The following PLXNA2 variants were observed in gnomAD, a reference collection of about 807,000 sequenced individuals.
PLXNA2 encodes the protein plexin-A2.
Under a neutral mutation model 193.5 loss-of-function variants are expected in PLXNA2, and 91 were observed. The observed-to-expected ratio is 0.47, with a 90% CI of 0.40 to 0.56. PLXNA2 has a LOEUF of 0.56. Among genes scored for constraint, PLXNA2 ranks in the 20% least tolerant of loss-of-function variants. The probability of loss-of-function intolerance (pLI) is 0.00; values close to 1 mark genes in which losing one functional copy is unlikely to be tolerated. For synonymous variants in PLXNA2, 997 were observed against 1,027.3 expected (o/e 0.97, Z 0.56); for missense variants, 1,995 against 2,503.2 (o/e 0.80, Z 4.33).
chr1:208,208,794 T>C (rs542929771), intron 3 of PLXNA2, among the ~76,000 whole-genome samples: 8 of 152,154 alleles, frequency 5.3e-5, no homozygotes, highest in African/African-American at 1.4e-4. Context: ...ACAGGGTACA[T>C]GATGTGACAG....
chr1:208,223,304 G>A (rs1176094327), intron 1 of PLXNA2, among the ~76,000 whole-genome samples: 4 of 151,652 alleles, frequency 2.6e-5, no homozygotes, highest in African/African-American at 9.7e-5. Context: ...GCGACTCAAA[G>A]TGAGTCAGAA....
intron 26 of PLXNA2, among the ~76,000 whole-genome samples, chr1:208,035,124 C>T (rs1664631478): frequency 6.6e-6 from 1 of 151,982 alleles, no homozygotes; most frequent in Non-Finnish European, 1.5e-5. Flanking sequence ...GGGCCAGACC[C>T]ATTCTCCCAT....
rs1403207154 is a variant in PLXNA2, at chr1:208,044,806, C to A, written c.3640-64G>T. ...CAGGTGTAGAGCCCGGGCATGCCAG[C>A]AGATCCTTACAGTGCGAGGAAGGAC... On this transcript the variant is annotated intron_variant, in intron 19 of 31. Coordinates refer to ENST00000367033, the MANE Select transcript of PLXNA2 (RefSeq NM_025179.4). The surrounding 1 kb of genome is among the most constrained non-coding windows in gnomAD (Gnocchi z 4.9). The A allele has an allele frequency of 4.6e-5, 59 of 1,278,294 alleles. No individual in the cohort carries two copies. Among genetic ancestry groups the A allele is most frequent in the Admixed American group, 1.5e-4 (8 of 52,472 alleles). 79.2% of individuals were successfully genotyped at this position (1,278,294 alleles called of 1,614,324 possible). A position where few individuals can be genotyped will look rare whatever the true frequency, so the allele number is the denominator to read the frequency against.
intron 9 of PLXNA2, among the ~76,000 whole-genome samples, chr1:208,087,103 G>C (rs972372543): frequency 5.9e-5 from 9 of 151,862 alleles, no homozygotes; most frequent in Non-Finnish European, 1.3e-4. Context: ...ACGAGCAGTT[G>C]TTTTTCATCT....
chr1:208,107,991 A>T (rs1667327791), intron 4 of PLXNA2, among the ~76,000 whole-genome samples: 1 of 152,054 alleles, frequency 6.6e-6, no homozygotes. Context: ...CATTTACTTA[A>T]GAAATACTCT....
intron 3 of PLXNA2, among the ~76,000 whole-genome samples, chr1:208,153,081 T>C (rs1377066046): frequency 6.6e-6 from 1 of 152,188 alleles, no homozygotes; most frequent in Non-Finnish European, 1.5e-5. Flanking sequence ...CACTTGGTAC[T>C]GCCCTGCACA....
intron 3 of PLXNA2, among the ~76,000 whole-genome samples, chr1:208,155,991 G>A (rs1227390483): frequency 6.6e-6 from 1 of 152,206 alleles, no homozygotes; most frequent in Non-Finnish European, 1.5e-5. Flanking sequence ...AGGAGTACCT[G>A]AGGCTTAAGG....
intron 3 of PLXNA2, among the ~76,000 whole-genome samples, chr1:208,152,731 T>G (rs1668808595): frequency 1.3e-5 from 2 of 148,862 alleles, no homozygotes; most frequent in South Asian, 4.4e-4. Flanking sequence ...CCTTCAATTG[T>G]CCCCTTTAAT....
At chr1:208,117,930 A>C (rs1191893719) in intron 4 of PLXNA2, among the ~76,000 whole-genome samples, 1 of 152,156 alleles carries the variant, frequency 6.6e-6, no homozygotes, top group Non-Finnish European at 1.5e-5. Context: ...TGTGTTTGAG[A>C]CTGGAGTGAC....
chr1:208,180,236 A>G (rs1669798219), intron 3 of PLXNA2, among the ~76,000 whole-genome samples: 1 of 150,740 alleles, frequency 6.6e-6, no homozygotes, highest in Admixed American at 6.6e-5. Flanking sequence ...GTGGAGTGGT[A>G]GGAGAGTAAA....
intron 13 of PLXNA2, among the ~76,000 whole-genome samples, chr1:208,055,417 A>C (rs1665399157): frequency 6.6e-6 from 1 of 151,550 alleles, no homozygotes; most frequent in South Asian, 2.1e-4. Context: ...GAGGATGGGG[A>C]GAGATGAAGG....
chr1:208,186,726 T>TTTTTTTTTTTTTG (rs1670016155), intron 3 of PLXNA2, among the ~76,000 whole-genome samples: 1 of 145,502 alleles, frequency 6.9e-6, no homozygotes, highest in Non-Finnish European at 1.5e-5. Flanking sequence ...TTTTTTTTTT[T>TTTTTTTTTTTTTG]TTTTGAGACG....
chr1:208,195,903 C>T (rs1670342439), intron 3 of PLXNA2, among the ~76,000 whole-genome samples: 1 of 151,590 alleles, frequency 6.6e-6, no homozygotes, highest in Non-Finnish European at 1.5e-5. Context: ...TTACATTACC[C>T]AACATTTTAC....
intron 29 of PLXNA2, chr1:208,031,018 G>A (rs866470184): frequency 3.7e-5 from 37 of 987,644 alleles, no homozygotes; most frequent in Admixed American, 1.8e-4. Flanking sequence ...AAGCTATGGC[G>A]CCAGGATAAT....
intron 4 of PLXNA2, among the ~76,000 whole-genome samples, chr1:208,123,604 T>C (rs1369211362): frequency 6.6e-6 from 1 of 152,222 alleles, no homozygotes; most frequent in Admixed American, 6.5e-5. Flanking sequence ...CTCCTGGTAG[T>C]CTGTCCATAT....
At chr1:208,218,104 T>A in intron 1 of PLXNA2, 102 bp from the exon 2 acceptor site, 2 of 922,146 alleles carry the variant, frequency 2.2e-6, no homozygotes, top group South Asian at 3.3e-5. Flanking sequence ...GCTCTGTGAG[T>A]CTCCTCCTTC....
chr1:208,106,064 T>G (rs1234600549), intron 4 of PLXNA2, among the ~76,000 whole-genome samples: 1 of 61,842 alleles, frequency 1.6e-5, no homozygotes, highest in Admixed American at 2.4e-4. Flanking sequence ...TGGGCCCTCC[T>G]GGTGATTTTT....
At chr1:208,092,697 T>C (rs1334899274) in intron 9 of PLXNA2, 89 bp downstream of exon 9, 16 of 833,536 alleles carry the variant, frequency 1.9e-5, no homozygotes, top group Non-Finnish European at 2.8e-5. Flanking sequence ...GGCAAGAAAA[T>C]GGCCAAGCCA....
At chr1:208,130,174 A>G (rs1230377403) in intron 4 of PLXNA2, among the ~76,000 whole-genome samples, 2 of 152,192 alleles carry the variant, frequency 1.3e-5, no homozygotes, top group African/African-American at 4.8e-5. Flanking sequence ...CTTAACCACA[A>G]GGCATGCACT....
Sources: allele counts gnomAD v4.1 joint callset (sites outside exome capture counted in the v4.1 genomes callset), GRCh38; gene constraint gnomAD v4.1.1; non-coding constraint Gnocchi (gnomAD v3.1); transcripts MANE v1.5; gene names NCBI Gene and HGNC (gene_info 2026-07-23, HGNC 2026-07-21).